The following GUCY1A1 variants were observed in gnomAD, a reference collection of about 807,000 sequenced individuals.
GUCY1A1 encodes the protein guanylate cyclase soluble subunit alpha-1.
Under a neutral mutation model 64.5 loss-of-function variants are expected in GUCY1A1, and 48 were observed. The observed-to-expected ratio is 0.74, with a 90% CI of 0.59 to 0.95. GUCY1A1 has a LOEUF of 0.95. GUCY1A1 is among the 40% of genes least tolerant of loss of function. The pLI is 0.00. For synonymous variants in GUCY1A1, 308 were observed against 303.4 expected (o/e 1.02, Z -0.16); for missense variants, 804 against 825.3 (o/e 0.97, Z 0.32).
At chr4:155,673,110 T>C (rs1734375045) in intron 2 of GUCY1A1, among the ~76,000 whole-genome samples, 3 of 152,034 alleles carry the variant, frequency 2.0e-5, no homozygotes, top group Middle Eastern at 6.8e-3. Flanking sequence ...TTATCACCAC[T>C]TTATCTGGCA....
chr4:155,670,377 A>T (rs1430073540), intron 2 of GUCY1A1, among the ~76,000 whole-genome samples: 2 of 152,178 alleles, frequency 1.3e-5, no homozygotes, highest in Admixed American at 1.3e-4. Context: ...GCTTTTGTCA[A>T]TGTTTAGTTA....
rs557486810 is a variant in GUCY1A1, at chr4:155,732,912, T to C, written c.*2681T>C. Among the ~76,000 whole-genome samples, 152 of 152,002 alleles carry C rather than the reference T, an allele frequency of 1.0e-3. No individual in the cohort carries two copies. Among genetic ancestry groups the C allele is most frequent in the African/African-American group, 3.5e-3 (147 of 41,506 alleles). On this transcript the variant is annotated 3_prime_UTR_variant, in exon 10 of 10. Transcript: ENST00000506455. ...TAAATTATCTCCTTATACATATTTC[T>C]CAGGCAAGCACAGAGTTATACTGAA...
intron 2 of GUCY1A1, 81 bp from the exon 3 acceptor site, chr4:155,696,675 C>A: frequency 2.0e-6 from 1 of 497,472 alleles, no homozygotes; most frequent in Non-Finnish European, 3.6e-6. Flanking sequence ...ATGACTATTG[C>A]TTTTGCTCAC....
rs200246619 is a variant in GUCY1A1 at position 155,717,161 on chromosome 4, G to T, written c.1575G>T (p.Val525=). Residue 525 remains valine, a splice_region_variant and synonymous_variant, in exon 8 of 10, where the codon GTG becomes GTT. Coordinates refer to ENST00000506455, the MANE Select transcript of GUCY1A1 (RefSeq NM_001130682.3). ...TATGGAAAATATATTATGTCTAGGT[G>T]GAGACCATTGGCGATGCCTATTGTG... ...QQCGELDVYK[V]ETIGDAYCVA... is the part of the protein sequence containing the mutation. 2.7e-6 allele frequency: 4 copies of T among 1,489,974 alleles called. No individual in the cohort carries two copies. Among genetic ancestry groups the T allele is most frequent in the Admixed American group, 2.1e-5 (1 of 48,742 alleles). The allele number at this position is 1,489,974 out of a possible 1,614,324, so 92.3% of individuals were successfully genotyped here.
intron 8 of GUCY1A1, 147 bp from the exon 9 acceptor site, chr4:155,721,891 T>C: frequency 4.5e-6 from 3 of 667,842 alleles, no homozygotes; most frequent in Non-Finnish European, 8.1e-6. Context: ...ATGTGAGGAG[T>C]AGAGGGAAGT....
Position 155,708,336 on chromosome 4 carries a change from C to T in GUCY1A1, c.376+42C>T, listed in dbSNP as rs376574335. ...TGTAATTAGAAAGTATGCCATATAC[C>T]TGTAGAACTCACATTTTCTCCAAAA... On this transcript the variant is annotated intron_variant, in intron 5 of 9. Coordinates refer to ENST00000506455, the MANE Select transcript of GUCY1A1 (RefSeq NM_001130682.3). The T allele has an allele frequency of 1.9e-5, 18 of 969,968 alleles. No homozygotes were observed. The African/African-American group carries it at 2.4e-4, about 13-fold the overall frequency. The allele number at this position is 969,968 out of a possible 1,614,324, so 60.1% of individuals were successfully genotyped here. A position where few individuals can be genotyped will look rare whatever the true frequency, so the allele number is the denominator to read the frequency against.
rs1176126511 is a variant in GUCY1A1 at position 155,730,822 on chromosome 4, T to G, written c.*591T>G. ...TTAGGGGTTAGATGCAATATGAATA[T>G]AAAATAGTTCTGTAAATACCAAATA... is the stretch of plus-strand genomic sequence containing the variant. On this transcript the variant is annotated 3_prime_UTR_variant, in exon 10 of 10. Coordinates refer to ENST00000506455, the MANE Select transcript of GUCY1A1 (RefSeq NM_001130682.3). 2 of 153,326 alleles carry G rather than the reference T, an allele frequency of 1.3e-5. No homozygotes were observed. Among genetic ancestry groups the G allele is most frequent in the Non-Finnish European group, 2.9e-5 (2 of 67,840 alleles). 9.5% of individuals were successfully genotyped at this position (153,326 alleles called of 1,614,324 possible). A position where few individuals can be genotyped will look rare whatever the true frequency, so the allele number is the denominator to read the frequency against.
chr4:155,677,315 G>A (rs1735094009), intron 2 of GUCY1A1, among the ~76,000 whole-genome samples: 1 of 152,188 alleles, frequency 6.6e-6, no homozygotes, highest in Admixed American at 6.5e-5. Context: ...CAGCTTATAT[G>A]TAGGATCACA....
At chr4:155,700,110 T>C (rs1258317165) in intron 3 of GUCY1A1, among the ~76,000 whole-genome samples, 1 of 152,178 alleles carries the variant, frequency 6.6e-6, no homozygotes, top group Non-Finnish European at 1.5e-5. Context: ...GTTTGCTCTT[T>C]TTTCATGGGT....
chr4:155,674,884 A>G (rs1276858828), intron 2 of GUCY1A1, among the ~76,000 whole-genome samples: 1 of 151,648 alleles, frequency 6.6e-6, no homozygotes, highest in African/African-American at 2.4e-5. Flanking sequence ...ATCACTATCG[A>G]GTTTTATATA....
chr4:155,705,466 G>A (rs981692075), intron 4 of GUCY1A1, among the ~76,000 whole-genome samples: 2 of 150,934 alleles, frequency 1.3e-5, no homozygotes, highest in African/African-American at 2.4e-5. Flanking sequence ...CCTGAACCCA[G>A]GAGACAGAGG....
At chr4:155,703,799 C>A in intron 3 of GUCY1A1, 133 bp from the exon 4 acceptor site, 12 of 613,138 alleles carry the variant, frequency 2.0e-5, no homozygotes, top group East Asian at 3.0e-5. Flanking sequence ...AAATTCATAA[C>A]ATTTATCATT....
At position 155,735,486 on chromosome 4, in the gene GUCY1A1, A is replaced by T. The variant is rs1458002145; in HGVS notation, c.*5255A>T. On this transcript the variant is annotated 3_prime_UTR_variant, in exon 10 of 10. Transcript: ENST00000506455. ...TGTCATATCCAGGACTTAATCTCAG[A>T]TATTCTGGTAGAAGATATTTAGATA... is the stretch of plus-strand genomic sequence containing the variant. The T allele has an allele frequency of 6.6e-6, 1 of 151,956 alleles. No individual in the cohort carries two copies. Among genetic ancestry groups the T allele is most frequent in the East Asian group, 1.9e-4 (1 of 5,162 alleles). 9.4% of individuals were successfully genotyped at this position (151,956 alleles called of 1,614,324 possible). A position where few individuals can be genotyped will look rare whatever the true frequency, so the allele number is the denominator to read the frequency against.
rs571765017 is a variant in GUCY1A1, at chr4:155,707,802, A to G, written c.318-434A>G. ...GATAGTCAAGATTTGCTTCTACAGA[A>G]AAGGGAATTTAAACTATTTTCTTTC... On this transcript the variant is annotated intron_variant, in intron 4 of 9. Transcript: ENST00000506455. Among the ~76,000 whole-genome samples, 66 of 151,352 alleles carry G rather than the reference A, an allele frequency of 4.4e-4. No individual in the cohort carries two copies. The South Asian group carries it at 8.8e-3, about 20-fold the overall frequency.
chr4:155,713,649 A>G (rs1732878493), intron 7 of GUCY1A1, 66 bp downstream of exon 7: 2 of 1,544,876 alleles, frequency 1.3e-6, no homozygotes, highest in Admixed American at 1.8e-5. Flanking sequence ...CACTGTGCCT[A>G]GGACCTGAAT....
rs1321313541 is a variant in GUCY1A1 at position 155,710,742 on chromosome 4, C to A, written c.577C>A (p.Leu193Met). 1.2e-6 allele frequency: 2 copies of A among 1,614,070 alleles called. No homozygotes were observed. Among genetic ancestry groups the A allele is most frequent in the Non-Finnish European group, 8.5e-7 (1 of 1,179,962 alleles). ...GRLEDASILC[L>M]DKEDDFLHVY... ...GCTTGAGGACGCCTCCATTCTATGC[C>A]TGGATAAGGAGGATGATTTTCTACA... The change falls in exon 6 of 10, where the codon CTG (leucine) becomes ATG (methionine). Residue 193 changes from leucine (L) to methionine (M), a missense_variant. Coordinates refer to ENST00000506455, the MANE Select transcript of GUCY1A1 (RefSeq NM_001130682.3).
In GUCY1A1 at chr4:155,730,274, T is replaced by G. The variant is rs548041699; in HGVS notation, c.*43T>G. ...TATAAGTCTTTGGGGTTTGACTCAT[T>G]GAAGATGTGTAGAGCCTCTGAAAGC... On this transcript the variant is annotated 3_prime_UTR_variant, in exon 10 of 10. Coordinates refer to ENST00000506455, the MANE Select transcript of GUCY1A1 (RefSeq NM_001130682.3). 7.8e-7 allele frequency: 1 copy of G among 1,288,632 alleles called. No homozygotes were observed. The highest frequency in any genetic ancestry group is 1.5e-5 in the African/African-American group (1 of 68,358). The allele number at this position is 1,288,632 out of a possible 1,614,324, so 79.8% of individuals were successfully genotyped here.
intron 2 of GUCY1A1, among the ~76,000 whole-genome samples, chr4:155,683,750 G>A (rs1318012070): frequency 6.6e-6 from 1 of 152,158 alleles, no homozygotes; most frequent in South Asian, 2.1e-4. Context: ...ATATATAGAC[G>A]AAAGGTAATC....
At chr4:155,669,227 G>A (rs1733785334) in intron 2 of GUCY1A1, among the ~76,000 whole-genome samples, 1 of 151,650 alleles carries the variant, frequency 6.6e-6, no homozygotes, top group Non-Finnish European at 1.5e-5. Flanking sequence ...TTAATAGATG[G>A]GTACCTTATA....
Sources: gnomAD v4.1 joint callset for allele counts (sites outside exome capture counted in the v4.1 genomes callset) on GRCh38, gnomAD v4.1.1 for gene constraint, MANE v1.5 for transcripts, NCBI Gene and HGNC (gene_info 2026-07-23, HGNC 2026-07-21) for gene names.